Variants in SNX8 observed in about 807,000 individuals in gnomAD.
SNX8 encodes sorting nexin-8.
A neutral mutation model predicts 51.6 loss-of-function variants in SNX8; 25 were observed. The ratio of observed to expected loss-of-function variants is 0.48; its 90% CI spans 0.35 to 0.68. SNX8 has a LOEUF of 0.68. SNX8 is among the 30% of genes least tolerant of loss of function. SNX8 has a pLI of 0.00. For missense variants in SNX8, 695 were observed against 624.0 expected (o/e 1.11, Z -1.21); for synonymous variants, 324 against 277.0 (o/e 1.17, Z -1.68).
Position 2,340,036 on chromosome 7 carries a change from A to C in SNX8, c.-66+14186T>G, listed in dbSNP as rs140684810. Among the ~76,000 whole-genome samples, 1,180 of 151,842 alleles carry C rather than the reference A, an allele frequency of 7.8e-3. 15 individuals are homozygous for C. The highest frequency in any genetic ancestry group is 0.027 in the African/African-American group (1,119 of 41,436). ...ACAAAAAATTTGAATTGAAACATATATCTACATATGAAAAGCTAGGCTACA... is the reference window on the plus strand; with the variant it reads ...ACAAAAAATTTGAATTGAAACATATCTCTACATATGAAAAGCTAGGCTACA... On this transcript the variant is annotated intron_variant, in intron 1 of 5. Coordinates refer to the SNX8 transcript ENST00000435336.
chr7:2,349,510 G>C (rs1398303125), intron 1 of SNX8, among the ~76,000 whole-genome samples: 3 of 147,736 alleles, frequency 2.0e-5, no homozygotes, highest in Non-Finnish European at 4.5e-5. Flanking sequence ...GTGTGATCTC[G>C]GCTCACTGCA....
At chr7:2,314,259 C>T in intron 1 of SNX8, 69 bp downstream of exon 1, 1 of 1,210,596 alleles carries the variant, frequency 8.3e-7, no homozygotes, top group Non-Finnish European at 1.0e-6. Context: ...GCGGCTGAGC[C>T]CCGTCCGCCG....
At chr7:2,315,608 CACTT>C (rs1183030581), upstream of SNX8, among the ~76,000 whole-genome samples, 28 of 149,014 alleles carry the variant, frequency 1.9e-4, no homozygotes, top group Non-Finnish European at 2.8e-4. Context: ...CTCACTCACT[CACTT>C]ACTGCTTCTT....
At chr7:2,335,595 G>C (rs922498633) in intron 1 of SNX8, among the ~76,000 whole-genome samples, 46 of 152,200 alleles carry the variant, frequency 3.0e-4, no homozygotes, top group Middle Eastern at 3.4e-3. Context: ...GAGGTCAGGA[G>C]ATCTAGACCA....
intron 10 of SNX8, among the ~76,000 whole-genome samples, chr7:2,255,660 T>C (rs1795159986): frequency 6.6e-6 from 1 of 152,118 alleles, no homozygotes; most frequent in Admixed American, 6.5e-5. Flanking sequence ...TGAGCTGTGA[T>C]TGCACCACTG....
upstream of SNX8, among the ~76,000 whole-genome samples, chr7:2,316,116 C>G (rs1796751987): frequency 6.6e-6 from 1 of 150,480 alleles, no homozygotes. Context: ...CTCACTCACT[C>G]ACTGCATCCT....
At chr7:2,280,379 T>C (rs1795882205) in intron 1 of SNX8, among the ~76,000 whole-genome samples, 1 of 151,964 alleles carries the variant, frequency 6.6e-6, no homozygotes, top group African/African-American at 2.4e-5. Context: ...CTCAGGAGGT[T>C]GAGGCAGGAA....
chr7:2,286,204 G>A lies in SNX8; in HGVS notation c.95-7899C>T, dbSNP rs532760829. 2.6e-5 allele frequency among the ~76,000 whole-genome samples: 4 copies of A among 151,502 alleles called. No individual in the cohort carries two copies. In the South Asian group the frequency reaches 6.3e-4, roughly 24 times the overall value. ...TTTTTGTATTTTGGGTAGAGACGGG[G>A]TTTCACCATGATGGCCAGGCTGGTC... On this transcript the variant is annotated intron_variant, in intron 1 of 10. Coordinates refer to ENST00000222990, the MANE Select transcript of SNX8 (RefSeq NM_013321.4).
chr7:2,256,934 C>A lies in SNX8; in HGVS notation c.1224G>T (p.Leu408=). The A allele has an allele frequency of 6.2e-7, 1 of 1,613,676 alleles. No homozygotes were observed. The highest frequency in any genetic ancestry group is 8.5e-7 in the Non-Finnish European group (1 of 1,179,874). The part of the protein sequence containing the change: ...HQETQLIHVY[L]PLTSHILRAF... ...CGCGGAGGATGTGGGAGGTGAGGGGCAGGTAGACGTGGATGAGCTGCGTCT... is the reference window on the plus strand; with the variant it reads ...CGCGGAGGATGTGGGAGGTGAGGGGAAGGTAGACGTGGATGAGCTGCGTCT... The change falls in exon 10 of 11, where the codon CTG becomes CTT. Residue 408 remains leucine, a synonymous_variant. Coordinates refer to ENST00000222990, the MANE Select transcript of SNX8 (RefSeq NM_013321.4).
chr7:2,264,529 T>G (rs1584673572), intron 5 of SNX8, 71 bp from the exon 6 acceptor site: 1 of 1,505,550 alleles, frequency 6.6e-7, no homozygotes, highest in Admixed American at 1.8e-5. Context: ...CAGCAGCCGG[T>G]CCCCCAGAAG....
At chr7:2,327,695 T>C (rs149490254) in intron 1 of SNX8, among the ~76,000 whole-genome samples, 1,560 of 144,064 alleles carry the variant, frequency 0.011, 27 homozygotes, top group South Asian at 0.061. Context: ...GCGTGAGCCA[T>C]CGCACCCGGC....
intron 1 of SNX8, among the ~76,000 whole-genome samples, chr7:2,323,351 A>C (rs76337151): frequency 6.9e-6 from 1 of 144,352 alleles, no homozygotes; most frequent in African/African-American, 2.6e-5. Context: ...AAAAAAAAAC[A>C]ACCAAACAAA....
At chr7:2,259,319 G>GGTCCCCTTCA (rs1382732481) in intron 7 of SNX8, among the ~76,000 whole-genome samples, 28 of 152,306 alleles carry the variant, frequency 1.8e-4, no homozygotes, top group African/African-American at 6.7e-4. Flanking sequence ...GAAGGGCTCC[G>GGTCCCCTTCA]GTCCCCACAG....
At chr7:2,336,365 A>C (rs1443028938) in intron 1 of SNX8, among the ~76,000 whole-genome samples, 1 of 151,612 alleles carries the variant, frequency 6.6e-6, no homozygotes, top group African/African-American at 2.4e-5. Context: ...GTGCCATTTC[A>C]CTCCAGCCTG....
rs764318249 is a variant in SNX8, at chr7:2,271,855, C to G, written c.535G>C (p.Gly179Arg). The G allele has an allele frequency of 1.2e-6, 2 of 1,607,196 alleles. No individual in the cohort carries two copies. Among genetic ancestry groups the G allele is most frequent in the African/African-American group, 1.3e-5 (1 of 74,880 alleles). Residue 179 changes from glycine (G) to arginine (R), a missense_variant, in exon 4 of 11, where the codon GGC (glycine) becomes CGC (arginine). Physicochemically the swap from Gly to Arg is moderately radical, Grantham distance 125 (BLOSUM62 -2). Coordinates refer to ENST00000222990, the MANE Select transcript of SNX8 (RefSeq NM_013321.4). ...GGCAGGGCAGACACACTCACCGAGCCGCTGAAGGACAGGAAGAGCTTGAGG... is the reference window on the plus strand; with the variant it reads ...GGCAGGGCAGACACACTCACCGAGCGGCTGAAGGACAGGAAGAGCTTGAGG... ...VVLKLFLSFS[G>R]SDVQNKLKES...
At chr7:2,303,957 T>G (rs1215275818) in intron 1 of SNX8, among the ~76,000 whole-genome samples, 3 of 143,844 alleles carry the variant, frequency 2.1e-5, no homozygotes, top group African/African-American at 7.7e-5. Context: ...ATTAAAAAAA[T>G]AATAATAATA....
At chr7:2,308,118 C>T (rs6963924) in intron 1 of SNX8, among the ~76,000 whole-genome samples, 39,180 of 151,760 alleles carry the variant, frequency 0.26, 5,225 homozygotes, top group Middle Eastern at 0.45. Context: ...AGTAACAAAA[C>T]ATATTTGCAG....
chr7:2,264,549 G>A (rs570858833), intron 5 of SNX8, 91 bp from the exon 6 acceptor site: 73 of 1,349,198 alleles, frequency 5.4e-5, no homozygotes, highest in South Asian at 4.0e-5. Flanking sequence ...GCTGAGCCAC[G>A]GGAGACACAG....
chr7:2,288,039 T>TA (rs769722971), intron 1 of SNX8: 10 of 152,232 alleles, frequency 6.6e-5, no homozygotes, highest in Non-Finnish European at 1.5e-4. Flanking sequence ...CCACGGAGCC[T>TA]ACAGTTCAAT....
Sources: gnomAD v4.1 joint callset for allele counts (sites outside exome capture counted in the v4.1 genomes callset) on GRCh38, gnomAD v4.1.1 for gene constraint, MANE v1.5 for transcripts, NCBI Gene and HGNC (gene_info 2026-07-23, HGNC 2026-07-21) for gene names.